Variants in TRPC6 observed in about 807,000 individuals in gnomAD.
TRPC6 encodes transient receptor potential cation channel subfamily C member 6, also known as short transient receptor potential channel 6.
A neutral mutation model predicts 90.7 loss-of-function variants in TRPC6; 55 were observed. That is an observed-to-expected ratio of 0.61 (90% confidence interval 0.49 to 0.76). TRPC6 has a LOEUF of 0.76. Among genes scored for constraint, TRPC6 ranks in the 30% least tolerant of loss-of-function variants. The pLI is 0.00. For missense variants in TRPC6, 989 were observed against 1,122.7 expected (o/e 0.88, Z 1.70); for synonymous variants, 393 against 393.0 (o/e 1.00, Z 0.00).
intron 1 of TRPC6, among the ~76,000 whole-genome samples, chr11:101,567,155 C>A (rs1009677880): frequency 6.6e-6 from 1 of 152,104 alleles, no homozygotes; most frequent in Admixed American, 6.5e-5. Flanking sequence ...AGTCTGAGAT[C>A]ACCTGGGTCA....
intron 1 of TRPC6, among the ~76,000 whole-genome samples, chr11:101,568,204 C>T (rs137999010): frequency 0.011 from 1,714 of 152,160 alleles, 65 homozygotes; most frequent in Admixed American, 0.066. Context: ...AAACACAGCA[C>T]GAGAACTTCG....
chr11:101,557,541 C>T (rs1020286157), intron 1 of TRPC6, among the ~76,000 whole-genome samples: 19 of 151,868 alleles, frequency 1.3e-4, no homozygotes, highest in African/African-American at 4.6e-4. Context: ...TAAAAGGCAT[C>T]CAAATTAGAA....
intron 1 of TRPC6, among the ~76,000 whole-genome samples, chr11:101,536,330 T>C (rs1432845581): frequency 6.6e-6 from 1 of 150,958 alleles, no homozygotes; most frequent in African/African-American, 2.4e-5. Flanking sequence ...GAGGTTGCAG[T>C]GAGCCGAGAT....
intron 1 of TRPC6, among the ~76,000 whole-genome samples, chr11:101,572,692 G>C (rs150243426): frequency 0.025 from 3,731 of 152,244 alleles, 176 homozygotes; most frequent in African/African-American, 0.085. Context: ...AAAAGGATGA[G>C]TTCATGTCCT....
At position 101,559,000 on chromosome 11, in the gene TRPC6, A is replaced by G. The variant is rs537247666; in HGVS notation, c.170+24334T>C. Among the ~76,000 whole-genome samples, 88 of 152,288 alleles carry G rather than the reference A, an allele frequency of 5.8e-4. 2 individuals are homozygous for G. In the South Asian group the frequency reaches 0.017, roughly 30 times the overall value. ...TTTAAGCCCAAAAGTGCAGACAACA[A>G]AAGCAAAAACAGACAAATGGGATTA... is the stretch of plus-strand genomic sequence containing the variant. On this transcript the variant is annotated intron_variant, in intron 1 of 12. Transcript: ENST00000344327.
rs1337675867 is a variant in TRPC6 at position 101,458,794 on chromosome 11, T to C, written c.2485-3693A>G. ...ACATCTATGGTGCACCTGGAGCAGATGTGAAGGCAGTGTTTGTGCAGCTAA... is the reference window on the plus strand; with the variant it reads ...ACATCTATGGTGCACCTGGAGCAGACGTGAAGGCAGTGTTTGTGCAGCTAA... On this transcript the variant is annotated intron_variant, in intron 10 of 12. Coordinates refer to ENST00000344327, the MANE Select transcript of TRPC6 (RefSeq NM_004621.6). Among the ~76,000 whole-genome samples, 5 of 152,208 alleles carry C rather than the reference T, an allele frequency of 3.3e-5. 1 individual carries two copies. Among genetic ancestry groups the C allele is most frequent in the Admixed American group, 3.3e-4 (5 of 15,274 alleles).
At chr11:101,544,887 AT>A (rs202093973) in intron 1 of TRPC6, among the ~76,000 whole-genome samples, 2 of 151,994 alleles carry the variant, frequency 1.3e-5, no homozygotes, top group Admixed American at 6.5e-5. Context: ...ATTAAAAAAA[AT>A]GTTTGTTCAG....
At chr11:101,513,915 G>A (rs963298412) in intron 1 of TRPC6, among the ~76,000 whole-genome samples, 2 of 152,094 alleles carry the variant, frequency 1.3e-5, no homozygotes, top group South Asian at 4.1e-4. Flanking sequence ...TTTGATAATA[G>A]GTCTGGAACA....
intron 1 of TRPC6, among the ~76,000 whole-genome samples, chr11:101,559,992 A>G (rs1414594295): frequency 6.6e-6 from 1 of 152,118 alleles, no homozygotes; most frequent in Non-Finnish European, 1.5e-5. Context: ...ACAGCTGACC[A>G]TCTTGTGAAA....
chr11:101,546,227 G>A lies in TRPC6; in HGVS notation c.170+37107C>T, dbSNP rs1189615884. ...GCTGGGACTACAGGCGCCCGCCACC[G>A]CGCCCGGCTAATTTTTTTGTATTTT... On this transcript the variant is annotated intron_variant, in intron 1 of 12. Transcript: ENST00000344327. Among the ~76,000 whole-genome samples the A allele has an allele frequency of 8.1e-5, 9 of 110,716 alleles. 2 individuals are homozygous for A. The East Asian group carries it at 1.1e-3, about 14-fold the overall frequency. 72.6% of individuals were successfully genotyped at this position (110,716 alleles called of 152,430 possible). A position where few individuals can be genotyped will look rare whatever the true frequency, so the allele number is the denominator to read the frequency against.
chr11:101,574,213 G>T (rs1002341704), intron 1 of TRPC6, among the ~76,000 whole-genome samples: 4 of 150,954 alleles, frequency 2.6e-5, no homozygotes, highest in African/African-American at 9.9e-5. Context: ...AAGCTTCTGA[G>T]TTGAAAAGTG....
chr11:101,559,791 C>G (rs60385781), intron 1 of TRPC6, among the ~76,000 whole-genome samples: 35,948 of 124,344 alleles, frequency 0.29, 6,303 homozygotes, highest in Non-Finnish European at 0.41. Flanking sequence ...CCCCTCCCCC[C>G]ACCCCACAAC....
At chr11:101,573,523 C>T (rs989341055) in intron 1 of TRPC6, among the ~76,000 whole-genome samples, 5 of 152,138 alleles carry the variant, frequency 3.3e-5, no homozygotes, top group Non-Finnish European at 5.9e-5. Flanking sequence ...TAGGGCCTGG[C>T]ATAGTCTTAT....
chr11:101,493,391 G>C (rs1374087464), intron 2 of TRPC6, among the ~76,000 whole-genome samples: 1 of 152,178 alleles, frequency 6.6e-6, no homozygotes, highest in Non-Finnish European at 1.5e-5. Context: ...GCTTGAGCTA[G>C]AGCTTGTTGT....
At chr11:101,524,625 A>G (rs746519039) in intron 1 of TRPC6, among the ~76,000 whole-genome samples, 10 of 152,262 alleles carry the variant, frequency 6.6e-5, no homozygotes, top group Non-Finnish European at 1.2e-4. Context: ...CCATGCTGCA[A>G]GAACTTTGAT....
intron 2 of TRPC6, among the ~76,000 whole-genome samples, chr11:101,497,019 G>A (rs958516497): frequency 6.6e-6 from 1 of 152,212 alleles, no homozygotes; most frequent in African/African-American, 2.4e-5. Flanking sequence ...AGCATGGTGT[G>A]AGGTACGTAG....
At chr11:101,484,475 T>A (rs1424684996) in intron 4 of TRPC6, among the ~76,000 whole-genome samples, 2 of 152,148 alleles carry the variant, frequency 1.3e-5, no homozygotes, top group African/African-American at 4.8e-5. Context: ...TTTGTCTATA[T>A]GGTTTTCAAA....
chr11:101,561,582 T>C (rs1365889904), intron 1 of TRPC6, among the ~76,000 whole-genome samples: 3 of 152,064 alleles, frequency 2.0e-5, no homozygotes, highest in East Asian at 1.9e-4. Context: ...AGAGGATATA[T>C]AGAGGCTCTA....
At chr11:101,463,799 A>T (rs887036914) in intron 10 of TRPC6, among the ~76,000 whole-genome samples, 6 of 152,094 alleles carry the variant, frequency 3.9e-5, no homozygotes, top group African/African-American at 1.4e-4. Context: ...TAGTGTCTCT[A>T]GCTCCTTCAG....
Sources: allele counts gnomAD v4.1 joint callset (sites outside exome capture counted in the v4.1 genomes callset), GRCh38; gene constraint gnomAD v4.1.1; transcripts MANE v1.5; gene names NCBI Gene and HGNC (gene_info 2026-07-23, HGNC 2026-07-21).